Variants in HMGCLL1 observed in about 807,000 individuals in gnomAD.
HMGCLL1 encodes the protein 3-hydroxymethyl-3-methylglutaryl-CoA lyase, cytoplasmic.
HMGCLL1 carries 36 observed loss-of-function variants against 39.1 expected under a neutral mutation model. The ratio of observed to expected loss-of-function variants is 0.92; its 90% CI spans 0.71 to 1.22. The LOEUF is 1.22. Among genes scored for constraint, HMGCLL1 ranks in the 50% most tolerant of loss-of-function variants. The pLI is 0.00. For missense variants in HMGCLL1, 451 were observed against 416.5 expected, an observed-to-expected ratio of 1.08 and a Z score of -0.72; for synonymous variants, 149 against 144.0, an observed-to-expected ratio of 1.03 and a Z score of -0.25.
At chr6:55,661,781 T>C in the HMGCLL1 span, among the ~76,000 whole-genome samples, 2 of 151,990 alleles carry the variant, frequency 1.3e-5, no homozygotes, top group African/African-American at 2.4e-5. Context: ...AGGAATAGCA[T>C]TGAATCTGTA....
In HMGCLL1 at chr6:55,434,549, TA is replaced by T. The variant is rs1412249889; in HGVS notation, c.*1112del. 6.6e-6 allele frequency: 1 copy of T among 152,080 alleles called. No individual in the cohort carries two copies. The highest frequency in any genetic ancestry group is 2.4e-5 in the African/African-American group (1 of 41,422). The allele number at this position is 152,080 out of a possible 1,614,324, so 9.4% of individuals were successfully genotyped here. ...ACTGACATTTCAGATCCATTTGTAA[TA>T]ATACTGCCCCCATAAAATATGCATA... On this transcript the variant is annotated 3_prime_UTR_variant, in exon 9 of 9. Coordinates refer to ENST00000274901, the MANE Select transcript of HMGCLL1 (RefSeq NM_001042406.2).
intron 7 of HMGCLL1, among the ~76,000 whole-genome samples, chr6:55,481,813 TCTAC>T (rs931480699): frequency 6.4e-4 from 97 of 152,130 alleles, no homozygotes; most frequent in African/African-American, 2.2e-3. Flanking sequence ...TACCTACCTA[TCTAC>T]CTACCTATCT....
chr6:55,603,602 A>G, the HMGCLL1 span, among the ~76,000 whole-genome samples: 1 of 152,116 alleles, frequency 6.6e-6, no homozygotes, highest in Non-Finnish European at 1.5e-5. Flanking sequence ...AAAAATGTCC[A>G]TGCCTACTCA....
chr6:55,675,874 CTTA>C, the HMGCLL1 span, among the ~76,000 whole-genome samples: 4 of 151,882 alleles, frequency 2.6e-5, no homozygotes, highest in Admixed American at 2.0e-4. Context: ...TGTGCTAATT[CTTA>C]TTATAACACA....
At chr6:55,528,493 C>T (rs112126674) in intron 3 of HMGCLL1, among the ~76,000 whole-genome samples, 3,526 of 152,116 alleles carry the variant, frequency 0.023, 62 homozygotes, top group South Asian at 0.094. Context: ...AACCCTGTCT[C>T]ATTCACAGAC....
the HMGCLL1 span, among the ~76,000 whole-genome samples, chr6:55,626,274 T>C: frequency 6.6e-6 from 1 of 152,218 alleles, no homozygotes; most frequent in East Asian, 1.9e-4. Flanking sequence ...CTACCATCAG[T>C]AGATCACAGA....
intron 1 of HMGCLL1, among the ~76,000 whole-genome samples, chr6:55,556,869 C>A (rs572136048): frequency 1.3e-5 from 2 of 152,064 alleles, no homozygotes; most frequent in African/African-American, 2.4e-5. Flanking sequence ...AGGGCAGATG[C>A]GTACCTTACA....
chr6:55,453,923 G>A (rs1240429343), intron 7 of HMGCLL1, among the ~76,000 whole-genome samples: 1 of 152,202 alleles, frequency 6.6e-6, no homozygotes, highest in African/African-American at 2.4e-5. Context: ...ATTAACTGGA[G>A]TGGGATATAG....
intron 1 of HMGCLL1, among the ~76,000 whole-genome samples, chr6:55,565,527 C>A (rs973992873): frequency 6.6e-6 from 1 of 151,904 alleles, no homozygotes; most frequent in African/African-American, 2.4e-5. Context: ...TACTACTGCC[C>A]TTATATAACA....
chr6:55,555,793 C>A (rs768546163), intron 1 of HMGCLL1, among the ~76,000 whole-genome samples: 5 of 152,170 alleles, frequency 3.3e-5, no homozygotes, highest in Non-Finnish European at 5.9e-5. Context: ...CCTTCACAAA[C>A]ACTTGGAATG....
At chr6:55,509,822 G>T (rs9296788) in intron 5 of HMGCLL1, among the ~76,000 whole-genome samples, 102,225 of 151,660 alleles carry the variant, frequency 0.67, 34,491 homozygotes, top group Non-Finnish European at 0.7. Flanking sequence ...AGTTTTCCCT[G>T]TTTTTGCATA....
chr6:55,581,635 T>G (rs1771988635), upstream of HMGCLL1, among the ~76,000 whole-genome samples: 2 of 151,974 alleles, frequency 1.3e-5, no homozygotes, highest in African/African-American at 4.8e-5. Flanking sequence ...AAAATGAGAA[T>G]AAAAAGAAGT....
intron 5 of HMGCLL1, chr6:55,513,803 C>G: frequency 4.1e-6 from 2 of 493,724 alleles, no homozygotes; most frequent in Non-Finnish European, 7.0e-6. Context: ...GTTAATAATG[C>G]CAGATTTGCA....
the HMGCLL1 span, among the ~76,000 whole-genome samples, chr6:55,671,051 C>T: frequency 6.6e-6 from 1 of 151,640 alleles, no homozygotes; most frequent in Non-Finnish European, 1.5e-5. Flanking sequence ...GAAAATTACG[C>T]AATGATAAAA....
At chr6:55,477,422 TAA>T (rs1491511624) in intron 7 of HMGCLL1, among the ~76,000 whole-genome samples, 5 of 25,140 alleles carry the variant, frequency 2.0e-4, no homozygotes, top group Non-Finnish European at 2.9e-4. Flanking sequence ...TATATTATCT[TAA>T]TATATATTAT....
intron 5 of HMGCLL1, among the ~76,000 whole-genome samples, chr6:55,506,276 C>T (rs1240527155): frequency 6.6e-6 from 1 of 151,518 alleles, no homozygotes; most frequent in East Asian, 1.9e-4. Context: ...TACCTTTTTG[C>T]TCTATTTGTC....
rs1486714223 is a variant in HMGCLL1 at position 55,471,438 on chromosome 6, G to C, written c.795+23981C>G. 1.1e-4 allele frequency among the ~76,000 whole-genome samples: 17 copies of C among 151,758 alleles called. No homozygotes were observed. In the Admixed American group the frequency reaches 1.1e-3, roughly 10 times the overall value. ...CCAGGTATATACCAAGGAATAAATT[G>C]CTGGGTCATAGAGTACACATGTGCA... On this transcript the variant is annotated intron_variant, in intron 7 of 8. Transcript: ENST00000274901.
chr6:55,660,293 T>G, the HMGCLL1 span, among the ~76,000 whole-genome samples: 2 of 151,926 alleles, frequency 1.3e-5, no homozygotes, highest in African/African-American at 4.8e-5. Flanking sequence ...CAGGGTTTTT[T>G]TGTGCAGATT....
At chr6:55,475,909 G>C (rs1199954509) in intron 7 of HMGCLL1, among the ~76,000 whole-genome samples, 1 of 151,526 alleles carries the variant, frequency 6.6e-6, no homozygotes, top group Non-Finnish European at 1.5e-5. Flanking sequence ...GTATATGTCT[G>C]AATTTCTTTC....
Sources: allele counts gnomAD v4.1 joint callset (sites outside exome capture counted in the v4.1 genomes callset), GRCh38; gene constraint gnomAD v4.1.1; transcripts MANE v1.5; gene names NCBI Gene and HGNC (gene_info 2026-07-23, HGNC 2026-07-21).